L3MBTL4: variants seen among roughly 807,000 people sequenced by gnomAD.
L3MBTL4 encodes lethal(3)malignant brain tumor-like protein 4.
L3MBTL4 carries 70 observed loss-of-function variants against 84.5 expected under a neutral mutation model. That is an observed-to-expected ratio of 0.83 (90% CI 0.68 to 1.01). The LOEUF is 1.01. Among genes scored for constraint, L3MBTL4 ranks in the 50% least tolerant of loss-of-function variants. The pLI is 0.00. For synonymous variants in L3MBTL4, 274 were observed against 259.8 expected, an observed-to-expected ratio of 1.05 and a Z score of -0.52; for missense variants, 715 against 754.8, an observed-to-expected ratio of 0.95 and a Z score of 0.62.
chr18:6,015,684 T>G (rs2054934305), intron 16 of L3MBTL4, among the ~76,000 whole-genome samples: 1 of 152,062 alleles, frequency 6.6e-6, no homozygotes, highest in Non-Finnish European at 1.5e-5. Flanking sequence ...CATGGCTGGG[T>G]GCGGTGGCTC....
At chr18:6,138,083 G>T in intron 14 of L3MBTL4, 111 bp downstream of exon 14, 1 of 613,946 alleles carries the variant, frequency 1.6e-6, no homozygotes. Context: ...AGGTGGGAGT[G>T]TCACAGGGGC....
At chr18:6,278,543 T>A (rs2049184821) in intron 4 of L3MBTL4, among the ~76,000 whole-genome samples, 3 of 152,228 alleles carry the variant, frequency 2.0e-5, no homozygotes. Context: ...GTGATATGCA[T>A]CTATAGTCTA....
chr18:6,118,449 C>G (rs970237025), intron 14 of L3MBTL4, among the ~76,000 whole-genome samples: 3 of 152,168 alleles, frequency 2.0e-5, no homozygotes, highest in African/African-American at 7.2e-5. Flanking sequence ...TTCTAGGTAT[C>G]ATTCATCTCC....
At chr18:6,360,003 G>A (rs992395130) in intron 1 of L3MBTL4, among the ~76,000 whole-genome samples, 5 of 152,116 alleles carry the variant, frequency 3.3e-5, no homozygotes, top group Admixed American at 6.5e-5. Context: ...CAACAAGCTG[G>A]CAAGTAAAAG....
At chr18:6,213,377 G>T in intron 11 of L3MBTL4, 118 bp from the exon 12 acceptor site, 2 of 569,158 alleles carry the variant, frequency 3.5e-6, no homozygotes, top group South Asian at 2.7e-5. Context: ...CAATACAACT[G>T]GAATTTAGTG....
At chr18:6,003,134 C>T in intron 16 of L3MBTL4, among the ~76,000 whole-genome samples, 1 of 99,156 alleles carries the variant, frequency 1.0e-5, no homozygotes, top group Non-Finnish European at 2.0e-5. Context: ...TATAGTATCT[C>T]TATTTATAGA....
rs537395408 is a variant in L3MBTL4 at position 6,333,356 on chromosome 18, C to T, written c.-90-21300G>A. On this transcript the variant is annotated intron_variant, in intron 1 of 18. Transcript: ENST00000317931. ...TTGGGAGGCTGAGGCGGGCAGATCA[C>T]GAGGTCAAGAGATCGAGACCATCCT... 1.0e-3 allele frequency among the ~76,000 whole-genome samples: 158 copies of T among 152,098 alleles called. 1 individual carries two copies. The highest frequency in any genetic ancestry group is 0.01 in the Middle Eastern group (3 of 294).
intron 1 of L3MBTL4, among the ~76,000 whole-genome samples, chr18:6,345,215 CAAAAA>C (rs35502624): frequency 7.8e-5 from 3 of 38,498 alleles, no homozygotes; most frequent in African/African-American, 9.9e-5. Flanking sequence ...TACTAAAATA[CAAAAA>C]AAAAAAAAAA....
chr18:6,129,368 C>CTCTCTGTGTG (rs1555663722), intron 14 of L3MBTL4, among the ~76,000 whole-genome samples: 1 of 138,226 alleles, frequency 7.2e-6, no homozygotes, highest in Non-Finnish European at 1.5e-5. Context: ...GGAATTCTCT[C>CTCTCTGTGTG]TGTGTGTGTG....
chr18:6,175,608 T>C (rs1023159726), intron 12 of L3MBTL4, among the ~76,000 whole-genome samples: 3 of 152,194 alleles, frequency 2.0e-5, no homozygotes, highest in African/African-American at 7.2e-5. Context: ...TCTCAGTGGA[T>C]ACAGAAAAAG....
At chr18:5,958,072 AG>A (rs2095239482) in intron 18 of L3MBTL4, among the ~76,000 whole-genome samples, 1 of 38,502 alleles carries the variant, frequency 2.6e-5, no homozygotes, top group Admixed American at 2.9e-4. Flanking sequence ...GAGAAGAAGA[AG>A]AAGAAGAAGA....
chr18:6,268,461 T>C (rs1160903841), intron 4 of L3MBTL4, among the ~76,000 whole-genome samples: 3 of 152,156 alleles, frequency 2.0e-5, no homozygotes, highest in Non-Finnish European at 4.4e-5. Context: ...AGAATAGCAC[T>C]CTGGGCCTTA....
At chr18:5,956,921 A>G (rs3927780) in intron 18 of L3MBTL4, among the ~76,000 whole-genome samples, 55,994 of 151,098 alleles carry the variant, frequency 0.37, 10,553 homozygotes, top group East Asian at 0.49. Context: ...TTTTTTTTTT[A>G]TAGATCAGTA....
chr18:6,393,272 A>C (rs1466540768), intron 1 of L3MBTL4, among the ~76,000 whole-genome samples: 2 of 152,156 alleles, frequency 1.3e-5, no homozygotes, highest in Non-Finnish European at 1.5e-5. Context: ...CCTAGGACAG[A>C]AACTTAGCCC....
intron 16 of L3MBTL4, among the ~76,000 whole-genome samples, chr18:6,053,882 G>A (rs144382621): frequency 1.1e-3 from 164 of 152,278 alleles, no homozygotes; most frequent in African/African-American, 3.9e-3. Flanking sequence ...AAAAGTGACT[G>A]AAAAAAATCA....
chr18:6,031,504 CTTAG>C, intron 16 of L3MBTL4: 2 of 985,320 alleles, frequency 2.0e-6, no homozygotes, highest in Non-Finnish European at 2.4e-6. Context: ...TAAGTATTTA[CTTAG>C]TTCACACATC....
Position 6,264,027 on chromosome 18 carries a change from C to A in L3MBTL4, c.139G>T (p.Ala47Ser). The change falls in exon 5 of 19, where the codon GCT (alanine) becomes TCT (serine). Residue 47 changes from alanine (A) to serine (S), a missense_variant. Coordinates refer to ENST00000317931, the MANE Select transcript of L3MBTL4 (RefSeq NM_001330559.2). ...TCCCAAGACCATGCTCCCTGTGCAG[C>A]CGCTGAAGGGACTGGAAGAGAAAAC... ...TTPLSHVPSAAAQGAWSWEWY... is the reference protein window; with the variant it reads ...TTPLSHVPSASAQGAWSWEWY... 1.9e-6 allele frequency: 3 copies of A among 1,611,356 alleles called. No homozygotes were observed. Among genetic ancestry groups the A allele is most frequent in the Non-Finnish European group, 2.5e-6 (3 of 1,177,468 alleles).
chr18:5,969,763 G>A (rs1490147911), intron 16 of L3MBTL4, among the ~76,000 whole-genome samples: 1 of 152,192 alleles, frequency 6.6e-6, no homozygotes, highest in African/African-American at 2.4e-5. Flanking sequence ...ATAGACAGAT[G>A]TTACCCATGC....
At chr18:6,182,462 G>T (rs1405553880) in intron 12 of L3MBTL4, among the ~76,000 whole-genome samples, 1 of 152,124 alleles carries the variant, frequency 6.6e-6, no homozygotes, top group African/African-American at 2.4e-5. Flanking sequence ...TGCATAGTTT[G>T]CAAATATTTT....
Sources: allele counts gnomAD v4.1 joint callset (sites outside exome capture counted in the v4.1 genomes callset), GRCh38; gene constraint gnomAD v4.1.1; transcripts MANE v1.5; gene names NCBI Gene and HGNC (gene_info 2026-07-23, HGNC 2026-07-21).